SPEN: variants seen among roughly 807,000 people sequenced by gnomAD.
SPEN encodes the protein spen family transcriptional repressor, also known as msx2-interacting protein.
Under a neutral mutation model 269.9 loss-of-function variants are expected in SPEN, and 18 were observed. The observed-to-expected ratio is 0.07, with a 90% CI of 0.05 to 0.10. The LOEUF (loss-of-function observed/expected upper bound fraction) is 0.10, where lower values mean the gene tolerates loss of function less well. Ranked by LOEUF, SPEN falls within the 10% of genes least tolerant of loss-of-function variation. The probability of loss-of-function intolerance (pLI) is 1.00; values close to 1 mark genes in which losing one functional copy is unlikely to be tolerated. For synonymous variants in SPEN, 1,726 were observed against 1,765.7 expected, an observed-to-expected ratio of 0.98 and a Z score of 0.56; for missense variants, 3,822 against 4,631.2, an observed-to-expected ratio of 0.83 and a Z score of 5.07.
At position 15,939,200 on chromosome 1, in the gene SPEN, GCT is replaced by G; in HGVS notation, c.10864-93_10864-92del. On this transcript the variant is annotated intron_variant, in intron 14 of 14. Transcript: ENST00000375759. The surrounding 1 kb of genome is among the most constrained non-coding windows in gnomAD (Gnocchi z 4.1). Reference sequence around the variant, plus strand: ...GCTGGTTGGGGACTGATTTGGCCTGGCTCTTAGCATTGGGCCTCTTCAGGGCT... The same window carrying G: ...GCTGGTTGGGGACTGATTTGGCCTGGCTTAGCATTGGGCCTCTTCAGGGCT... 1 of 1,460,762 alleles carries G rather than the reference GCT, an allele frequency of 6.8e-7. No homozygotes were observed. Among genetic ancestry groups the G allele is most frequent in the Non-Finnish European group, 9.1e-7 (1 of 1,097,780 alleles). The allele number at this position is 1,460,762 out of a possible 1,614,324, so 90.5% of individuals were successfully genotyped here.
In SPEN at chr1:15,932,985, C is replaced by T. The variant is rs777991847; in HGVS notation, c.6745C>T (p.Pro2249Ser). The change falls in exon 11 of 15, where the codon CCC (proline) becomes TCC (serine). Residue 2249 changes from proline to serine, a missense_variant. Pro to Ser is a moderately conservative substitution (Grantham distance 74). This residue lies in a region of SPEN where 727 missense variants were observed against 737.9 expected (regional missense o/e 0.99). Coordinates refer to ENST00000375759, the MANE Select transcript of SPEN (RefSeq NM_015001.3). The surrounding 1 kb of genome is among the most constrained non-coding windows in gnomAD (Gnocchi z 4.2). ...YPGESQTDLQ[P>S]PAGAQALQPS... ...TGGAGAATCCCAGACAGATCTGCAACCCCCCGCAGGTGCACAGGCGCTGCA... is the reference window on the plus strand; with the variant it reads ...TGGAGAATCCCAGACAGATCTGCAATCCCCCGCAGGTGCACAGGCGCTGCA... The T allele has an allele frequency of 1.2e-6, 2 of 1,614,138 alleles. No homozygotes were observed. Among genetic ancestry groups the T allele is most frequent in the Non-Finnish European group, 1.7e-6 (2 of 1,180,004 alleles).
Position 15,932,236 on chromosome 1 carries a change from A to G in SPEN, c.5996A>G (p.Lys1999Arg). 2 of 1,611,176 alleles carry G rather than the reference A, an allele frequency of 1.2e-6. No individual in the cohort carries two copies. Among genetic ancestry groups the G allele is most frequent in the Non-Finnish European group, 1.7e-6 (2 of 1,178,960 alleles). ...TAAGGGPQGK[K>R]GKNEPKVDAT... ...GCTGGTGGTGGACCCCAAGGGAAAAAGGGAAAAAATGAACCGAAGGTGGAT... is the reference window on the plus strand; with the variant it reads ...GCTGGTGGTGGACCCCAAGGGAAAAGGGGAAAAAATGAACCGAAGGTGGAT... The change falls in exon 11 of 15, where the codon AAG (lysine) becomes AGG (arginine). Residue 1999 changes from lysine (K) to arginine (R), a missense_variant. Physicochemically the swap from Lys to Arg is conservative, Grantham distance 26. Transcript: ENST00000375759. This position sits in a 1 kb window ranked among gnomAD's most constrained non-coding sequence, Gnocchi z 4.2.
At position 15,938,742 on chromosome 1, in the gene SPEN, C is replaced by T. The variant is rs1194058759; in HGVS notation, c.10729C>T (p.Leu3577=). 1.2e-5 allele frequency: 19 copies of T among 1,613,676 alleles called. No individual in the cohort carries two copies. The highest frequency in any genetic ancestry group is 1.6e-5 in the Non-Finnish European group (19 of 1,179,974). The part of the protein sequence containing the change: ...MTVETDYCLL[L]ALPCGRDQED... ...GGTGGAGACAGATTACTGTCTGCTG[C>T]TGGCTCTGCCCTGTGGCCGTGACCA... Residue 3577 remains leucine, a synonymous_variant, in exon 14 of 15, where the codon CTG becomes TTG. Transcript: ENST00000375759.
In SPEN at chr1:15,934,086, C is replaced by T; in HGVS notation, c.7846C>T (p.Pro2616Ser). ...DKEKVAPVIA[P>S]KITSVISRMP... ...GGAAAAGGTGGCTCCAGTCATTGCTCCCAAAATTACCTCTGTTATTAGCCG... is the reference window on the plus strand; with the variant it reads ...GGAAAAGGTGGCTCCAGTCATTGCTTCCAAAATTACCTCTGTTATTAGCCG... Residue 2616 changes from proline (P) to serine (S), a missense_variant, in exon 11 of 15, where the codon CCC becomes TCC. Pro to Ser is a moderately conservative substitution (Grantham distance 74). Around this residue, in one of 16 missense-constraint regions of SPEN, gnomAD observed 329 missense variants for 431.2 expected, o/e 0.76. Coordinates refer to ENST00000375759, the MANE Select transcript of SPEN (RefSeq NM_015001.3). This position sits in a 1 kb window ranked among gnomAD's most constrained non-coding sequence, Gnocchi z 9.2. 3 of 1,610,488 alleles carry T rather than the reference C, an allele frequency of 1.9e-6. No homozygotes were observed. The South Asian group carries it at 3.3e-5, about 18-fold the overall frequency.
intron 3 of SPEN, among the ~76,000 whole-genome samples, chr1:15,879,020 AAAAAG>A (rs1280611351): frequency 1.3e-5 from 2 of 150,310 alleles, no homozygotes; most frequent in African/African-American, 2.4e-5. Context: ...AAAAAAAAAA[AAAAAG>A]AAAAGAAAAG....
intron 1 of SPEN, among the ~76,000 whole-genome samples, chr1:15,869,903 G>A (rs918894389): frequency 6.7e-6 from 1 of 150,022 alleles, no homozygotes; most frequent in African/African-American, 2.5e-5. Context: ...GTCTCACTCT[G>A]TTGCCCAGGC....
chr1:15,906,489 C>T (rs1400466997), intron 3 of SPEN, among the ~76,000 whole-genome samples: 9 of 116,162 alleles, frequency 7.7e-5, no homozygotes, highest in African/African-American at 1.4e-4. Context: ...GAGACAGTCT[C>T]GCTCTGTTGT....
rs2070305555 is a variant in SPEN at position 15,848,964 on chromosome 1, C to G, written c.83+814C>G. Among the ~76,000 whole-genome samples the G allele has an allele frequency of 6.6e-6, 1 of 151,966 alleles. No individual in the cohort carries two copies. Among genetic ancestry groups the G allele is most frequent in the Admixed American group, 6.6e-5 (1 of 15,244 alleles). ...AATCAAACGGTAAAACATTCCAAAC[C>G]TTTTACGATGAGAAGATGTAGCTTA... is the stretch of plus-strand genomic sequence containing the variant. On this transcript the variant is annotated intron_variant, in intron 1 of 14. Coordinates refer to ENST00000375759, the MANE Select transcript of SPEN (RefSeq NM_015001.3). This position sits in a 1 kb window ranked among gnomAD's most constrained non-coding sequence, Gnocchi z 5.1.
intron 3 of SPEN, among the ~76,000 whole-genome samples, chr1:15,889,267 G>A (rs1198959497): frequency 6.7e-6 from 1 of 149,190 alleles, no homozygotes; most frequent in Non-Finnish European, 1.5e-5. Flanking sequence ...CCAGGTTCAA[G>A]CAGTTCTCCT....
chr1:15,930,784 A>T lies in SPEN; in HGVS notation c.4544A>T (p.His1515Leu), dbSNP rs1023016408. 1 of 1,614,216 alleles carries T rather than the reference A, an allele frequency of 6.2e-7. No homozygotes were observed. Among genetic ancestry groups the T allele is most frequent in the Non-Finnish European group, 8.5e-7 (1 of 1,180,038 alleles). ...AAAATGGATGATAAGAAAGAGGACC[A>T]TAAAGAAGAAGAGCAAGAGAGGCAG... is the stretch of plus-strand genomic sequence containing the variant. ...EGKMDDKKED[H>L]KEEEQERQEL... The change falls in exon 11 of 15, where the codon CAT becomes CTT. Residue 1515 changes from histidine (H) to leucine (L), a missense_variant. Physicochemically the swap from His to Leu is moderately conservative, Grantham distance 99 (BLOSUM62 -3). Transcript: ENST00000375759. The surrounding 1 kb of genome is among the most constrained non-coding windows in gnomAD (Gnocchi z 5.3).
intron 3 of SPEN, among the ~76,000 whole-genome samples, chr1:15,899,382 G>T (rs548509516): frequency 1.3e-5 from 2 of 152,162 alleles, no homozygotes; most frequent in Non-Finnish European, 2.9e-5. Flanking sequence ...GTTTCGCCAT[G>T]TTGGCCAGGC....
chr1:15,922,845 C>A (rs193018816), intron 10 of SPEN, among the ~76,000 whole-genome samples: 1 of 152,212 alleles, frequency 6.6e-6, no homozygotes. Context: ...AACTCCTGGG[C>A]TCAAGCATTC....
At chr1:15,909,180 G>C (rs1384680060) in intron 3 of SPEN, 141 bp from the exon 4 acceptor site, 2 of 790,292 alleles carry the variant, frequency 2.5e-6, no homozygotes, top group Non-Finnish European at 4.1e-6. Flanking sequence ...GGTAGAGTAC[G>C]AGATAGATGT....
rs764521623 is a variant in SPEN at position 15,909,900 on chromosome 1, C to T, written c.1042+419C>T. On this transcript the variant is annotated intron_variant, in intron 4 of 14. Coordinates refer to ENST00000375759, the MANE Select transcript of SPEN (RefSeq NM_015001.3). ...CAGCACTTTGGGAGGCCGAGGCGGG[C>T]GGATCACGAGGTCAGGAGATCGAGA... 3.2e-4 allele frequency among the ~76,000 whole-genome samples: 49 copies of T among 151,854 alleles called. 1 individual carries two copies. Among genetic ancestry groups the T allele is most frequent in the African/African-American group, 1.1e-3 (47 of 41,430 alleles).
intron 1 of SPEN, among the ~76,000 whole-genome samples, chr1:15,858,744 G>A (rs1477658663): frequency 6.6e-6 from 1 of 152,040 alleles, no homozygotes; most frequent in East Asian, 1.9e-4. Flanking sequence ...AGACCAGTCT[G>A]GGCAACATGG....
In SPEN at chr1:15,939,522, G is replaced by C. The variant is rs1310862843; in HGVS notation, c.*95G>C. 3 of 1,404,204 alleles carry C rather than the reference G, an allele frequency of 2.1e-6. No individual in the cohort carries two copies. In the African/African-American group the frequency reaches 4.4e-5, roughly 21 times the overall value. 87.0% of individuals were successfully genotyped at this position (1,404,204 alleles called of 1,614,324 possible). On this transcript the variant is annotated 3_prime_UTR_variant, in exon 15 of 15. Coordinates refer to ENST00000375759, the MANE Select transcript of SPEN (RefSeq NM_015001.3). This position sits in a 1 kb window ranked among gnomAD's most constrained non-coding sequence, Gnocchi z 4.1. ...CAAGCAGAGGAAGAAGCTGCCGAAGGGGACAGACTCCACTGCCAGACGGCC... is the reference window on the plus strand; with the variant it reads ...CAAGCAGAGGAAGAAGCTGCCGAAGCGGACAGACTCCACTGCCAGACGGCC...
At chr1:15,926,384 TAC>T (rs34826146) in intron 10 of SPEN, among the ~76,000 whole-genome samples, 5,153 of 145,624 alleles carry the variant, frequency 0.035, 212 homozygotes, top group African/African-American at 0.099. Context: ...GATATATACA[TAC>T]ACACACACAC....
At chr1:15,891,765 C>T (rs1160356760) in intron 3 of SPEN, among the ~76,000 whole-genome samples, 1 of 151,946 alleles carries the variant, frequency 6.6e-6, no homozygotes, top group Non-Finnish European at 1.5e-5. Context: ...ACTGGGATTA[C>T]ATGCATGAGC....
chr1:15,935,965 C>CCG lies in SPEN; in HGVS notation c.9726_9727insGC (p.Pro3243AlafsTer42). ...GCCAAGACACCAGATGCCAAAGCTGCCCCCACCCCCACCCCTGCCCCCGTC... is the reference window on the plus strand; with the variant it reads ...GCCAAGACACCAGATGCCAAAGCTGCCGCCCCACCCCCACCCCTGCCCCCGTC... On this transcript the variant is annotated frameshift_variant, in exon 11 of 15. Transcript: ENST00000375759. LOFTEE classifies it high-confidence loss of function. This position sits in a 1 kb window ranked among gnomAD's most constrained non-coding sequence, Gnocchi z 7.7. 1 of 1,544,440 alleles carries CCG rather than the reference C, an allele frequency of 6.5e-7. No homozygotes were observed. Among genetic ancestry groups the CCG allele is most frequent in the Non-Finnish European group, 8.7e-7 (1 of 1,146,712 alleles).
Sources: gnomAD v4.1 joint callset for allele counts (sites outside exome capture counted in the v4.1 genomes callset) on GRCh38, gnomAD v4.1.1 for gene constraint, gnomAD v4.1.1 regional missense constraint, Gnocchi (gnomAD v3.1) non-coding constraint, MANE v1.5 for transcripts, NCBI Gene and HGNC (gene_info 2026-07-23, HGNC 2026-07-21) for gene names.